The following BLTP1 variants were observed in gnomAD, a reference collection of about 807,000 sequenced individuals.
BLTP1 encodes the protein bridge-like lipid transfer protein family member 1.
At chr4:122,343,657 C>A in the BLTP1 span, 1 of 1,572,216 alleles carries the variant, frequency 6.4e-7, no homozygotes, top group South Asian at 1.1e-5. Flanking sequence ...AGCATCTTTT[C>A]AAGCTTTCAA....
chr4:122,246,795 AG>A, the BLTP1 span: 1 of 1,612,832 alleles, frequency 6.2e-7, no homozygotes, highest in Non-Finnish European at 8.5e-7. Flanking sequence ...ATTGCTACAC[AG>A]GTTCGCATGA....
the BLTP1 span, chr4:122,316,583 G>T: frequency 6.7e-6 from 7 of 1,044,286 alleles, no homozygotes; most frequent in Non-Finnish European, 1.0e-5. Flanking sequence ...TTATGAAATT[G>T]AAGGGATTTA....
At chr4:122,261,481 C>T in the BLTP1 span, 20 of 980,246 alleles carry the variant, frequency 2.0e-5, no homozygotes, top group African/African-American at 2.4e-4. Context: ...TTAAATTGAT[C>T]GGCCATTCTA....
At chr4:122,158,731 A>C in the BLTP1 span, among the ~76,000 whole-genome samples, 3 of 152,200 alleles carry the variant, frequency 2.0e-5, no homozygotes, top group Admixed American at 6.5e-5. Context: ...AGATTGCGCC[A>C]CTGCACTCCA....
At chr4:122,342,306 A>G in the BLTP1 span, among the ~76,000 whole-genome samples, 2 of 152,124 alleles carry the variant, frequency 1.3e-5, no homozygotes, top group Non-Finnish European at 2.9e-5. Context: ...AGGATGACGG[A>G]TAACTCCCAG....
the BLTP1 span, chr4:122,334,362 A>T: frequency 6.3e-7 from 1 of 1,587,214 alleles, no homozygotes; most frequent in South Asian, 1.1e-5. Flanking sequence ...CAATTCCAAG[A>T]CGCTAAAGAC....
At chr4:122,302,362 T>C in the BLTP1 span, 1 of 412,674 alleles carries the variant, frequency 2.4e-6, no homozygotes, top group African/African-American at 2.2e-5. Flanking sequence ...TTTTATGAAT[T>C]GAAGGTGCCA....
the BLTP1 span, chr4:122,352,932 G>A: frequency 6.2e-7 from 1 of 1,613,924 alleles, no homozygotes; most frequent in Non-Finnish European, 8.5e-7. Flanking sequence ...ATCGACACTG[G>A]CCTGGAGTAT....
At chr4:122,187,186 A>G in the BLTP1 span, 1 of 982,546 alleles carries the variant, frequency 1.0e-6, no homozygotes, top group Non-Finnish European at 1.2e-6. Flanking sequence ...TTGTTATTCT[A>G]AAAACATAGT....
chr4:122,356,261 A>G, the BLTP1 span, among the ~76,000 whole-genome samples: 1 of 152,218 alleles, frequency 6.6e-6, no homozygotes. Flanking sequence ...TGAGCATCCC[A>G]ATCCAAAAAT....
chr4:122,347,843 CT>C, the BLTP1 span: 1 of 1,202,840 alleles, frequency 8.3e-7, no homozygotes, highest in East Asian at 2.4e-5. Context: ...CTTAGTTACT[CT>C]CAGATTTCAG....
the BLTP1 span, chr4:122,331,313 G>T: frequency 6.2e-7 from 1 of 1,603,374 alleles, no homozygotes; most frequent in Non-Finnish European, 8.5e-7. Context: ...ATGATCAATT[G>T]TTCTTTCTGT....
the BLTP1 span, among the ~76,000 whole-genome samples, chr4:122,230,682 A>T: frequency 1.3e-5 from 2 of 152,144 alleles, no homozygotes; most frequent in East Asian, 3.9e-4. Context: ...TTAGGAAATT[A>T]TTATTATATA....
the BLTP1 span, among the ~76,000 whole-genome samples, chr4:122,294,263 C>G: frequency 6.6e-6 from 1 of 152,240 alleles, no homozygotes; most frequent in Non-Finnish European, 1.5e-5. Context: ...GGCAGCCAGA[C>G]TGCTTCTTTA....
the BLTP1 span, among the ~76,000 whole-genome samples, chr4:122,169,334 A>G: frequency 2.6e-5 from 4 of 152,214 alleles, no homozygotes. Context: ...AGTCAGATGT[A>G]CCAAATTTCA....
At chr4:122,283,423 T>A in the BLTP1 span, among the ~76,000 whole-genome samples, 1 of 152,022 alleles carries the variant, frequency 6.6e-6, no homozygotes. Flanking sequence ...TTCATTGATC[T>A]CTTTGTACCA....
chr4:122,348,504 T>C, the BLTP1 span: 1 of 1,395,268 alleles, frequency 7.2e-7, no homozygotes, highest in African/African-American at 1.5e-5. Context: ...AAAAATAGTT[T>C]TTGCTTTGTA....
At chr4:122,187,678 T>A in the BLTP1 span, among the ~76,000 whole-genome samples, 1 of 152,090 alleles carries the variant, frequency 6.6e-6, no homozygotes, top group Non-Finnish European at 1.5e-5. Flanking sequence ...AATACTGTTT[T>A]CTGATAAATT....
At chr4:122,184,950 C>T in the BLTP1 span, 1 of 984,104 alleles carries the variant, frequency 1.0e-6, no homozygotes, top group South Asian at 4.7e-5. Flanking sequence ...AATACTAGCC[C>T]ATTTACGCCA....
Sources: allele counts gnomAD v4.1 joint callset (sites outside exome capture counted in the v4.1 genomes callset), GRCh38; gene constraint gnomAD v4.1.1; transcripts MANE v1.5; gene names NCBI Gene and HGNC (gene_info 2026-07-23, HGNC 2026-07-21).